The following EARS2 variants were observed in gnomAD, a reference collection of about 807,000 sequenced individuals.
EARS2 encodes the protein glutamyl-tRNA synthetase 2, mitochondrial.
Under a neutral mutation model 54.1 loss-of-function variants are expected in EARS2, and 50 were observed. The ratio of observed to expected loss-of-function variants is 0.92; its 90% CI spans 0.74 to 1.17. The LOEUF (loss-of-function observed/expected upper bound fraction) is 1.17. Among genes scored for constraint, EARS2 ranks in the 50% most tolerant of loss-of-function variants. The pLI, the probability that EARS2 is intolerant of heterozygous loss-of-function variation, is 0.00. For synonymous variants in EARS2, 298 were observed against 281.0 expected (o/e 1.06, Z -0.61); for missense variants, 673 against 675.0 (o/e 1.00, Z 0.03).
At chr16:23,531,273 T>A (rs1452169568) in intron 5 of EARS2, among the ~76,000 whole-genome samples, 2 of 151,794 alleles carry the variant, frequency 1.3e-5, no homozygotes, top group Admixed American at 1.3e-4. Flanking sequence ...TCTTTCTTTT[T>A]TTTTTGAGAC....
chr16:23,551,376 G>C (rs902722976), intron 2 of EARS2, among the ~76,000 whole-genome samples: 1 of 152,168 alleles, frequency 6.6e-6, no homozygotes, highest in African/African-American at 2.4e-5. Context: ...AGCTCTTTGG[G>C]AGGCTGTAGC....
rs2142195675 is a variant in EARS2, at chr16:23,552,271, A to G, written c.173T>C (p.Leu58Ser). ...FLHLGGLRTA[L>S]YNYIFAKKYQ... ...CTTCTTAGCAAAGATGTAGTTGTAC[A>G]AGGCAGTGCGGAGGCCACCCAGGTG... Residue 58 changes from leucine (L) to serine (S), a missense_variant, in exon 2 of 9, where the codon TTG becomes TCG. Coordinates refer to ENST00000449606, the MANE Select transcript of EARS2 (RefSeq NM_001083614.2). 1 of 1,614,230 alleles carries G rather than the reference A, an allele frequency of 6.2e-7. No homozygotes were observed. The highest frequency in any genetic ancestry group is 8.5e-7 in the Non-Finnish European group (1 of 1,180,026).
chr16:23,524,456 T>C lies in EARS2; in HGVS notation c.1489-2A>G. On this transcript the variant is annotated splice_acceptor_variant, in intron 8 of 8. Transcript: ENST00000449606. LOFTEE classifies it high-confidence loss of function. Reference sequence around the variant, plus strand: ...CATCTCAGCTACAGGAGGTCCTTGCTAAGAACAAAAAGAGCAAATATTGCC... The same window carrying C: ...CATCTCAGCTACAGGAGGTCCTTGCCAAGAACAAAAAGAGCAAATATTGCC... The C allele has an allele frequency of 6.2e-7, 1 of 1,614,008 alleles. No homozygotes were observed. Among genetic ancestry groups the C allele is most frequent in the South Asian group, 1.1e-5 (1 of 91,086 alleles).
rs755258609 is a variant in EARS2, at chr16:23,529,544, G to A, written c.1310C>T (p.Ala437Val). Residue 437 changes from alanine (A) to valine (V), a missense_variant, in exon 7 of 9, where the codon GCC (alanine) becomes GTC (valine). Ala to Val is a moderately conservative substitution (Grantham distance 64). Coordinates refer to ENST00000449606, the MANE Select transcript of EARS2 (RefSeq NM_001083614.2). ...AATCACATCCACCTTCTCCGAGATG[G>A]CGTCCAGCTGTGCTCGACCTACTGC... ...RPAVGRAQLD[A>V]ISEKVDVIAK... 10 of 1,614,134 alleles carry A rather than the reference G, an allele frequency of 6.2e-6. No homozygotes were observed. In the South Asian group the frequency reaches 1.1e-4, roughly 18 times the overall value.
chr16:23,525,215 G>A, intron 8 of EARS2, 29 bp downstream of exon 8: 1 of 1,614,112 alleles, frequency 6.2e-7, no homozygotes. Context: ...GGGCTCCAGG[G>A]AACAATCCAA....
At chr16:23,546,545 T>C in intron 2 of EARS2, 1 of 418,708 alleles carries the variant, frequency 2.4e-6, no homozygotes. Flanking sequence ...GTGCTCTCTA[T>C]GCTTTGGTAT....
chr16:23,532,404 G>A (rs1052929312), intron 5 of EARS2: 4 of 314,392 alleles, frequency 1.3e-5, no homozygotes, highest in African/African-American at 8.5e-5. Flanking sequence ...TGAGCACTTT[G>A]TATGTGCCAG....
chr16:23,557,311 G>T lies in EARS2; in HGVS notation c.33C>A (p.Arg11=). The change falls in exon 1 of 9, where the codon CGC becomes CGA. Residue 11 remains arginine (R), a synonymous_variant. Coordinates refer to ENST00000449606, the MANE Select transcript of EARS2 (RefSeq NM_001083614.2). ...GGCCAGAGGCCGCCGAAGGCCTCTC[G>T]CGCTGCAGCAGTCTCCTCAGGAGCG... MAALLRRLLQ[R]ERPSAASGRP... is the part of the protein sequence containing the mutation. 1 of 1,522,784 alleles carries T rather than the reference G, an allele frequency of 6.6e-7. No homozygotes were observed. The allele number at this position is 1,522,784 out of a possible 1,614,324, so 94.3% of individuals were successfully genotyped here. A position where few individuals can be genotyped will look rare whatever the true frequency, so the allele number is the denominator to read the frequency against.
At chr16:23,542,404 A>G (rs542634435) in intron 3 of EARS2, among the ~76,000 whole-genome samples, 137 of 128,326 alleles carry the variant, frequency 1.1e-3, no homozygotes, top group African/African-American at 3.8e-3. Flanking sequence ...TGCAACCTCC[A>G]CTTCCTGGGT....
In EARS2 at chr16:23,529,608, A is replaced by T; in HGVS notation, c.1246T>A (p.Leu416Met). The change falls in exon 7 of 9, where the codon TTG becomes ATG. Residue 416 changes from leucine (L) to methionine (M), a missense_variant. Around this residue, in one of 3 missense-constraint regions of EARS2, gnomAD observed 338 missense variants for 361.2 expected, o/e 0.94. Coordinates refer to ENST00000449606, the MANE Select transcript of EARS2 (RefSeq NM_001083614.2). ...RQGHICRLQD[L>M]VSPVYSYLWT... ...AGGTAAGAGTATACTGGGGACACCA[A>T]GTCCTGCAGGCGGCAAATGTGACCC... 6.2e-7 allele frequency: 1 copy of T among 1,614,134 alleles called. No individual in the cohort carries two copies. The highest frequency in any genetic ancestry group is 8.5e-7 in the Non-Finnish European group (1 of 1,179,998).
rs531382921 is a variant in EARS2, at chr16:23,536,823, C to A, written c.486-1463G>T. ...TCAGCCTCCTGAGTAGCTAGGATTACAGGTGCCTGCCACCACAACCGGCTA... is the reference window on the plus strand; with the variant it reads ...TCAGCCTCCTGAGTAGCTAGGATTAAAGGTGCCTGCCACCACAACCGGCTA... On this transcript the variant is annotated intron_variant, in intron 3 of 8. Coordinates refer to ENST00000449606, the MANE Select transcript of EARS2 (RefSeq NM_001083614.2). Among the ~76,000 whole-genome samples, 12 of 151,820 alleles carry A rather than the reference C, an allele frequency of 7.9e-5. 1 individual carries two copies. Among genetic ancestry groups the A allele is most frequent in the African/African-American group, 2.7e-4 (11 of 41,420 alleles).
chr16:23,534,901 G>A lies in EARS2; in HGVS notation c.945C>T (p.Gly315=), dbSNP rs1339599314. The A allele has an allele frequency of 6.3e-7, 1 of 1,577,496 alleles. No homozygotes were observed. Among genetic ancestry groups the A allele is most frequent in the Non-Finnish European group, 8.6e-7 (1 of 1,158,688 alleles). The change falls in exon 4 of 9, where the codon GGC becomes GGT. Residue 315 remains glycine, a synonymous_variant. Transcript: ENST00000449606. The part of the protein sequence containing the change: ...DSLLDIITNC[G]SGFAENQMGR... ...GTGGGCACGTACCTGCAAAACCTGA[G>A]CCACAGTTGGTGATGATGTCCAACA...
In EARS2 at chr16:23,529,514, T is replaced by C. The variant is rs764133947; in HGVS notation, c.1340A>G (p.Lys447Arg). Residue 447 changes from lysine to arginine, a missense_variant, in exon 7 of 9, where the codon AAG (lysine) becomes AGG (arginine). Coordinates refer to ENST00000449606, the MANE Select transcript of EARS2 (RefSeq NM_001083614.2). ...AISEKVDVIA[K>R]RVLGLLERSS... ...TGCGGGTACTCACCCCAGCACACGC[T>C]TGGCAATCACATCCACCTTCTCCGA... 3.7e-6 allele frequency: 6 copies of C among 1,613,980 alleles called. No homozygotes were observed. The Admixed American group carries it at 8.3e-5, about 22-fold the overall frequency.
At chr16:23,527,603 G>A (rs566534738) in intron 7 of EARS2, among the ~76,000 whole-genome samples, 1 of 146,212 alleles carries the variant, frequency 6.8e-6, no homozygotes, top group Non-Finnish European at 1.5e-5. Context: ...GCCCAGGCTG[G>A]AGTCCAGTGG....
chr16:23,525,783 G>A (rs2142160052), intron 7 of EARS2, among the ~76,000 whole-genome samples: 1 of 152,162 alleles, frequency 6.6e-6, no homozygotes, highest in Middle Eastern at 3.4e-3. Context: ...ATCACTTGAG[G>A]TCAGGTGTTC....
At chr16:23,529,451 G>C in intron 7 of EARS2, 51 bp downstream of exon 7, 1 of 1,590,644 alleles carries the variant, frequency 6.3e-7, no homozygotes, top group South Asian at 1.1e-5. Context: ...CCATGGGACA[G>C]AGAGAGGGAA....
At chr16:23,552,668 T>G (rs1965716140) in intron 1 of EARS2, among the ~76,000 whole-genome samples, 1 of 152,242 alleles carries the variant, frequency 6.6e-6, no homozygotes, top group African/African-American at 2.4e-5. Context: ...TGTTTGTATT[T>G]TTGGTAGAGA....
intron 7 of EARS2, among the ~76,000 whole-genome samples, chr16:23,529,070 A>G (rs1965277366): frequency 6.6e-6 from 1 of 152,176 alleles, no homozygotes; most frequent in Non-Finnish European, 1.5e-5. Context: ...TCTAGCATCT[A>G]CAGTTACATA....
At chr16:23,531,995 TAG>T (rs1965335156) in intron 5 of EARS2, among the ~76,000 whole-genome samples, 1 of 152,140 alleles carries the variant, frequency 6.6e-6, no homozygotes, top group Non-Finnish European at 1.5e-5. Context: ...GTATTTTTAG[TAG>T]AGACAGGGTT....
Sources: allele counts gnomAD v4.1 joint callset (sites outside exome capture counted in the v4.1 genomes callset), GRCh38; gene constraint gnomAD v4.1.1; regional missense constraint gnomAD v4.1.1; transcripts MANE v1.5; gene names NCBI Gene and HGNC (gene_info 2026-07-23, HGNC 2026-07-21).